Variants in MAGI2 observed in about 807,000 individuals in gnomAD.
MAGI2 encodes the protein membrane associated guanylate kinase, WW and PDZ domain containing 2.
MAGI2 carries 35 observed loss-of-function variants against 133.3 expected under a neutral mutation model. The ratio of observed to expected loss-of-function variants is 0.26; its 90% CI spans 0.20 to 0.35. The LOEUF (loss-of-function observed/expected upper bound fraction) is 0.35, where lower values mean the gene tolerates loss of function less well. Among genes scored for constraint, MAGI2 ranks in the 10% least tolerant of loss-of-function variants. The pLI is 1.00. For synonymous variants in MAGI2, 729 were observed against 710.6 expected (o/e 1.03, Z -0.41); for missense variants, 1,636 against 1,863.4 (o/e 0.88, Z 2.25).
chr7:79,427,140 T>C lies in MAGI2; in HGVS notation c.301+25880A>G, dbSNP rs978087026. Among the ~76,000 whole-genome samples the C allele has an allele frequency of 2.0e-5, 3 of 152,198 alleles. No individual in the cohort carries two copies. In the East Asian group the frequency reaches 5.8e-4, roughly 29 times the overall value. On this transcript the variant is annotated intron_variant, in intron 1 of 21. Transcript: ENST00000354212. ...TCATTTACACCTTGAAACAAGTATA[T>C]TCTTCATTCAATAAATATTTACCGA...
At chr7:78,192,287 A>G (rs1179288132) in intron 12 of MAGI2, among the ~76,000 whole-genome samples, 2 of 152,142 alleles carry the variant, frequency 1.3e-5, no homozygotes, top group Non-Finnish European at 2.9e-5. Flanking sequence ...TATGCATGTG[A>G]TTCAAAGGAA....
At chr7:78,204,043 T>C (rs1829508064) in intron 10 of MAGI2, among the ~76,000 whole-genome samples, 1 of 152,342 alleles carries the variant, frequency 6.6e-6, no homozygotes, top group Admixed American at 6.5e-5. Flanking sequence ...CTGGTTATTA[T>C]ATTGAGCTTA....
At chr7:79,065,696 T>C (rs1814235904) in intron 1 of MAGI2, among the ~76,000 whole-genome samples, 1 of 152,130 alleles carries the variant, frequency 6.6e-6, no homozygotes, top group African/African-American at 2.4e-5. Flanking sequence ...TTTCTCCTAA[T>C]GCTATCCTTC....
rs113502125 is a variant in MAGI2 at position 79,163,267 on chromosome 7, C to T, written c.302-156061G>A. Among the ~76,000 whole-genome samples the T allele has an allele frequency of 5.3e-5, 8 of 152,180 alleles. 1 individual carries two copies. The highest frequency in any genetic ancestry group is 1.9e-4 in the African/African-American group (8 of 41,550). On this transcript the variant is annotated intron_variant, in intron 1 of 21. Transcript: ENST00000354212. The stretch of plus-strand genomic sequence containing the variant: ...CTCAGATCACGATAACCTCTGCCTC[C>T]CAGGTTCAAGTGATTCTCCTGCCTC...
intron 4 of MAGI2, among the ~76,000 whole-genome samples, chr7:78,502,569 T>A (rs1306412278): frequency 8.4e-6 from 1 of 119,002 alleles, no homozygotes; most frequent in Non-Finnish European, 1.9e-5. Context: ...AATAGTATAT[T>A]GTTATGATTA....
chr7:78,130,679 C>A (rs1473896105), intron 18 of MAGI2, among the ~76,000 whole-genome samples: 1 of 152,174 alleles, frequency 6.6e-6, no homozygotes, highest in Non-Finnish European at 1.5e-5. Context: ...TTGGAGTGGG[C>A]ACTTCCTGGG....
intron 2 of MAGI2, among the ~76,000 whole-genome samples, chr7:78,950,946 T>C (rs1170722110): frequency 6.6e-6 from 1 of 151,714 alleles, no homozygotes; most frequent in East Asian, 1.9e-4. Context: ...ACTGAGTCTT[T>C]GTCTCTCCCA....
intron 2 of MAGI2, among the ~76,000 whole-genome samples, chr7:78,698,849 G>A (rs186551236): frequency 1.3e-5 from 2 of 152,186 alleles, no homozygotes; most frequent in Admixed American, 6.5e-5. Context: ...AACAGCATGA[G>A]GGTAACCACC....
chr7:78,785,493 G>A (rs37850), intron 2 of MAGI2, among the ~76,000 whole-genome samples: 136,921 of 152,260 alleles, frequency 0.9, 61,642 homozygotes, highest in East Asian at 1. Flanking sequence ...TGTCAGAGGT[G>A]CTGCCTTTGA....
At chr7:78,519,513 T>C (rs1796318246) in intron 4 of MAGI2, among the ~76,000 whole-genome samples, 1 of 152,134 alleles carries the variant, frequency 6.6e-6, no homozygotes, top group Non-Finnish European at 1.5e-5. Context: ...TCTACTATCA[T>C]CAAGCTGAGG....
chr7:79,336,833 TA>T (rs1012029746), intron 1 of MAGI2, among the ~76,000 whole-genome samples: 6 of 152,050 alleles, frequency 3.9e-5, no homozygotes, highest in Non-Finnish European at 7.4e-5. Context: ...TAACAGTTGT[TA>T]GGGGGATAAG....
intron 3 of MAGI2, among the ~76,000 whole-genome samples, chr7:78,606,568 G>A (rs561305854): frequency 7.9e-5 from 12 of 152,056 alleles, no homozygotes; most frequent in Non-Finnish European, 1.3e-4. Context: ...TTGTGTGCTA[G>A]TTTTTGGAAT....
intron 20 of MAGI2, among the ~76,000 whole-genome samples, chr7:78,109,182 T>C (rs1819048001): frequency 6.7e-6 from 1 of 149,642 alleles, no homozygotes; most frequent in Non-Finnish European, 1.5e-5. Context: ...CGGGCGCCTG[T>C]AGTCCCAGCT....
intron 9 of MAGI2, among the ~76,000 whole-genome samples, chr7:78,340,811 A>G (rs1230375742): frequency 6.6e-6 from 1 of 152,150 alleles, no homozygotes; most frequent in Non-Finnish European, 1.5e-5. Context: ...ATATCTCAAA[A>G]TAATAAGAGC....
At chr7:79,417,750 CAA>C (rs66901516) in intron 1 of MAGI2, among the ~76,000 whole-genome samples, 1 of 129,838 alleles carries the variant, frequency 7.7e-6, no homozygotes. Flanking sequence ...CACATATGCA[CAA>C]AAAAAAAAAA....
intron 10 of MAGI2, chr7:78,252,374 TG>T (rs1792491626): frequency 6.6e-6 from 1 of 151,820 alleles, no homozygotes; most frequent in Non-Finnish European, 1.5e-5. Context: ...TCCACATTTA[TG>T]CTAATTCATT....
rs545510839 is a variant in MAGI2 at position 79,270,523 on chromosome 7, T to C, written c.301+182497A>G. Among the ~76,000 whole-genome samples, 8 of 152,306 alleles carry C rather than the reference T, an allele frequency of 5.3e-5. No individual in the cohort carries two copies. In the East Asian group the frequency reaches 1.4e-3, roughly 26 times the overall value. On this transcript the variant is annotated intron_variant, in intron 1 of 21. Transcript: ENST00000354212. ...CAATCATTTAACATTTCAGTACTTA[T>C]TGACTACCCACTTCCTTTTTAGGCA...
chr7:78,734,730 T>C (rs1821685600), intron 2 of MAGI2, among the ~76,000 whole-genome samples: 1 of 152,066 alleles, frequency 6.6e-6, no homozygotes, highest in Non-Finnish European at 1.5e-5. Flanking sequence ...AGACTGTTGG[T>C]CCCAGGAAAA....
chr7:78,866,729 G>T (rs553192362), intron 2 of MAGI2, among the ~76,000 whole-genome samples: 2 of 152,020 alleles, frequency 1.3e-5, no homozygotes, highest in African/African-American at 2.4e-5. Flanking sequence ...ACAGGAACCA[G>T]ATCTCCTGCT....
Sources: gnomAD v4.1 joint callset for allele counts (sites outside exome capture counted in the v4.1 genomes callset) on GRCh38, gnomAD v4.1.1 for gene constraint, MANE v1.5 for transcripts, NCBI Gene and HGNC (gene_info 2026-07-23, HGNC 2026-07-21) for gene names.